The following NCALD variants were observed in gnomAD, a reference collection of about 807,000 sequenced individuals.
NCALD encodes neurocalcin delta.
Under a neutral mutation model 18.6 loss-of-function variants are expected in NCALD, and 10 were observed. The observed-to-expected ratio is 0.54, with a 90% CI of 0.33 to 0.91. The LOEUF (loss-of-function observed/expected upper bound fraction) is 0.91, where lower values mean the gene tolerates loss of function less well. Ranked by LOEUF, NCALD falls within the 40% of genes least tolerant of loss-of-function variation. NCALD has a pLI of 0.03. For synonymous variants in NCALD, 88 were observed against 87.4 expected (o/e 1.01, Z -0.04); for missense variants, 184 against 247.6 (o/e 0.74, Z 1.72).
At chr8:102,114,884 C>T (rs551185940) in intron 1 of NCALD, among the ~76,000 whole-genome samples, 1 of 152,292 alleles carries the variant, frequency 6.6e-6, no homozygotes, top group East Asian at 1.9e-4. Flanking sequence ...GAGCTGTGCT[C>T]CAACCAAGGC....
At chr8:102,001,178 T>C (rs1821449854) in intron 2 of NCALD, among the ~76,000 whole-genome samples, 1 of 152,126 alleles carries the variant, frequency 6.6e-6, no homozygotes, top group South Asian at 2.1e-4. Flanking sequence ...GAGAAGTCCT[T>C]AAAGGACCTG....
intron 2 of NCALD, among the ~76,000 whole-genome samples, chr8:101,980,618 T>C (rs183535998): frequency 2.0e-5 from 3 of 152,342 alleles, no homozygotes; most frequent in African/African-American, 4.8e-5. Context: ...TTTTCACGTA[T>C]TTCAAGGGCT....
At chr8:102,028,290 A>G (rs973993732) in intron 1 of NCALD, among the ~76,000 whole-genome samples, 2 of 152,240 alleles carry the variant, frequency 1.3e-5, no homozygotes, top group Non-Finnish European at 2.9e-5. Context: ...AGAGAAAGAA[A>G]GCAAATGTAG....
At chr8:101,878,309 T>TA (rs1276512485) in intron 4 of NCALD, among the ~76,000 whole-genome samples, 6 of 152,224 alleles carry the variant, frequency 3.9e-5, no homozygotes, top group Admixed American at 3.9e-4. Context: ...TGAAAAATGT[T>TA]ACTCTGTCCC....
chr8:101,755,894 G>C (rs1699063220), intron 1 of NCALD, among the ~76,000 whole-genome samples: 1 of 152,192 alleles, frequency 6.6e-6, no homozygotes, highest in African/African-American at 2.4e-5. Flanking sequence ...AAAACATATA[G>C]TGGTGACAAG....
At chr8:101,825,095 C>A (rs570342235) in intron 4 of NCALD, among the ~76,000 whole-genome samples, 1 of 152,300 alleles carries the variant, frequency 6.6e-6, no homozygotes, top group African/African-American at 2.4e-5. Flanking sequence ...TATATCCCAC[C>A]CTGCAGTGAT....
intron 2 of NCALD, among the ~76,000 whole-genome samples, chr8:101,983,476 T>A (rs1820696502): frequency 6.6e-6 from 1 of 152,240 alleles, no homozygotes; most frequent in African/African-American, 2.4e-5. Context: ...TTATGCAATC[T>A]GAATTTTCAC....
intron 1 of NCALD, among the ~76,000 whole-genome samples, chr8:102,105,807 G>A (rs951839427): frequency 7.2e-5 from 11 of 152,140 alleles, no homozygotes; most frequent in South Asian, 4.2e-4. Context: ...TGCTGGGTGC[G>A]ACTCCTGACT....
At chr8:101,910,611 T>C (rs1204652397) in intron 3 of NCALD, among the ~76,000 whole-genome samples, 1 of 152,210 alleles carries the variant, frequency 6.6e-6, no homozygotes. Flanking sequence ...ACAGATATAA[T>C]GTACAAAGAT....
intron 1 of NCALD, among the ~76,000 whole-genome samples, chr8:101,757,742 T>C (rs922905486): frequency 1.3e-5 from 2 of 152,208 alleles, no homozygotes; most frequent in Non-Finnish European, 2.9e-5. Context: ...TAATTAACCT[T>C]GCCTCCACTC....
intron 2 of NCALD, among the ~76,000 whole-genome samples, chr8:101,971,323 G>C (rs573063273): frequency 6.6e-6 from 1 of 152,142 alleles, no homozygotes; most frequent in Admixed American, 6.6e-5. Flanking sequence ...GGTTGATATA[G>C]ATTGGCTCTG....
intron 4 of NCALD, among the ~76,000 whole-genome samples, chr8:101,806,750 C>G (rs1306730036): frequency 6.6e-6 from 1 of 152,036 alleles, no homozygotes; most frequent in African/African-American, 2.4e-5. Flanking sequence ...AAAACACATG[C>G]ACCTATGCAC....
chr8:101,935,584 T>A (rs971138467), intron 2 of NCALD, among the ~76,000 whole-genome samples: 1 of 152,082 alleles, frequency 6.6e-6, no homozygotes, highest in Admixed American at 6.5e-5. Context: ...ATCTAAGAAC[T>A]GATCATTGGA....
chr8:101,801,257 A>C (rs1812839430), intron 4 of NCALD, among the ~76,000 whole-genome samples: 1 of 152,216 alleles, frequency 6.6e-6, no homozygotes, highest in African/African-American at 2.4e-5. Flanking sequence ...AATCACAATC[A>C]AAGTCTTAAT....
chr8:102,105,542 A>C (rs1034701236), intron 1 of NCALD, among the ~76,000 whole-genome samples: 1 of 152,236 alleles, frequency 6.6e-6, no homozygotes, highest in African/African-American at 2.4e-5. Flanking sequence ...TTGAAGTCTC[A>C]TGGTACAGAC....
At chr8:102,075,531 G>A (rs1168402056) in intron 1 of NCALD, among the ~76,000 whole-genome samples, 1 of 152,122 alleles carries the variant, frequency 6.6e-6, no homozygotes, top group African/African-American at 2.4e-5. Context: ...ATTATTTATT[G>A]CATCTCTTAG....
chr8:101,895,070 T>C (rs1481840552), intron 3 of NCALD, among the ~76,000 whole-genome samples: 1 of 150,318 alleles, frequency 6.7e-6, no homozygotes, highest in Non-Finnish European at 1.5e-5. Flanking sequence ...AAAAAGAGAA[T>C]TTTATACCAA....
At chr8:101,730,938 G>A (rs187045020) in intron 1 of NCALD, among the ~76,000 whole-genome samples, 1 of 152,320 alleles carries the variant, frequency 6.6e-6, no homozygotes, top group East Asian at 1.9e-4. Flanking sequence ...AATTGAAATG[G>A]TAGATGAAGA....
intron 4 of NCALD, among the ~76,000 whole-genome samples, chr8:101,807,658 A>G (rs1813154005): frequency 6.6e-6 from 1 of 152,186 alleles, no homozygotes; most frequent in African/African-American, 2.4e-5. Flanking sequence ...GGCACATACA[A>G]ACTGTTAGAA....
Sources: gnomAD v4.1 joint callset for allele counts (sites outside exome capture counted in the v4.1 genomes callset) on GRCh38, gnomAD v4.1.1 for gene constraint, MANE v1.5 for transcripts, NCBI Gene and HGNC (gene_info 2026-07-23, HGNC 2026-07-21) for gene names.